CNGB1: variants seen among roughly 807,000 people sequenced by gnomAD.
CNGB1 encodes cyclic nucleotide-gated channel beta-1.
CNGB1 carries 126 observed loss-of-function variants against 151.7 expected under a neutral mutation model. The ratio of observed to expected loss-of-function variants is 0.83; its 90% CI spans 0.72 to 0.96. CNGB1 has a LOEUF of 0.96. Among genes scored for constraint, CNGB1 ranks in the 40% least tolerant of loss-of-function variants. The probability of loss-of-function intolerance (pLI) is 0.00; values close to 1 mark genes in which losing one functional copy is unlikely to be tolerated. For synonymous variants in CNGB1, 623 were observed against 635.1 expected (o/e 0.98, Z 0.29); for missense variants, 1,698 against 1,627.0 (o/e 1.04, Z -0.75).
chr16:57,960,020 C>G lies in CNGB1; in HGVS notation c.629G>C (p.Arg210Pro), dbSNP rs759153238. The change falls in exon 10 of 33, where the codon CGG becomes CCG. Residue 210 changes from arginine to proline, a missense_variant. By Grantham distance (103) the Arg-to-Pro change is moderately radical. Transcript: ENST00000251102. The part of the protein sequence containing the change: ...PQEMGPKLQA[R>P]ETPSLPTPIP... ...GGGTGTGGGCAGGGAGGGGGTCTCCCGGGCCTGCAGCTTGGGCCCCATTTC... is the reference window on the plus strand; with the variant it reads ...GGGTGTGGGCAGGGAGGGGGTCTCCGGGGCCTGCAGCTTGGGCCCCATTTC... 1 of 1,574,050 alleles carries G rather than the reference C, an allele frequency of 6.4e-7. No homozygotes were observed. Among genetic ancestry groups the G allele is most frequent in the Non-Finnish European group, 8.6e-7 (1 of 1,162,100 alleles).
intron 22 of CNGB1, 24 bp from the exon 23 acceptor site, chr16:57,915,359 G>A (rs1213369831): frequency 6.4e-7 from 1 of 1,568,078 alleles, no homozygotes; most frequent in Non-Finnish European, 8.8e-7. Context: ...GGGACACCAT[G>A]GGGGTAAAAC....
chr16:57,884,527 T>A (rs2149350332), intron 32 of CNGB1, 70 bp from the exon 33 acceptor site: 1 of 1,569,462 alleles, frequency 6.4e-7, no homozygotes, highest in East Asian at 2.3e-5. Context: ...CTTGGACACC[T>A]CCCTGTTCCA....
intron 16 of CNGB1, among the ~76,000 whole-genome samples, chr16:57,938,577 AC>A (rs1186130575): frequency 6.6e-6 from 1 of 152,136 alleles, no homozygotes; most frequent in Non-Finnish European, 1.5e-5. Flanking sequence ...AGGTCACAGA[AC>A]TGGCTCTGGG....
At position 57,967,176 on chromosome 16, in the gene CNGB1, C is replaced by T. The variant is rs1371072466; in HGVS notation, c.111G>A (p.Val37=). The T allele has an allele frequency of 6.2e-7, 1 of 1,614,188 alleles. No individual in the cohort carries two copies. The highest frequency in any genetic ancestry group is 2.2e-5 in the East Asian group (1 of 44,874). ...CCTCCTCAGGATTCGGTTCTGGTTCCACCTCCGCCTCCATCTCTGGCTCTG... is the reference window on the plus strand; with the variant it reads ...CCTCCTCAGGATTCGGTTCTGGTTCTACCTCCGCCTCCATCTCTGGCTCTG... The part of the protein sequence containing the change: ...VEPEPEMEAE[V]EPEPNPEEAE... The change falls in exon 2 of 33, where the codon GTG becomes GTA. Residue 37 remains valine (V), a synonymous_variant. Coordinates refer to ENST00000251102, the MANE Select transcript of CNGB1 (RefSeq NM_001297.5).
chr16:57,962,900 G>A, intron 5 of CNGB1, 28 bp from the exon 6 acceptor site: 1 of 1,612,326 alleles, frequency 6.2e-7, no homozygotes, highest in Non-Finnish European at 8.5e-7. Context: ...ACAGACATGG[G>A]CAGGGAGCCC....
chr16:57,917,604 G>GTT, intron 20 of CNGB1, 128 bp from the exon 21 acceptor site: 1 of 701,856 alleles, frequency 1.4e-6, no homozygotes. Context: ...AAGAGTGTGT[G>GTT]TATGTGTGTG....
intron 27 of CNGB1, 46 bp downstream of exon 27, chr16:57,903,776 A>C (rs752213923): frequency 6.2e-7 from 1 of 1,611,472 alleles, no homozygotes; most frequent in South Asian, 1.1e-5. Context: ...ACCAGGCGAC[A>C]GGAGTTGACT....
chr16:57,889,932 G>C lies in CNGB1; in HGVS notation c.3243-1858C>G, dbSNP rs940537441. On this transcript the variant is annotated intron_variant, in intron 31 of 32. Transcript: ENST00000251102. ...TGACAGTTGGGGAAATTGAGGCTCAGAGCAGGGGGAGTGACGTGCCCAAGG... is the reference window on the plus strand; with the variant it reads ...TGACAGTTGGGGAAATTGAGGCTCACAGCAGGGGGAGTGACGTGCCCAAGG... 2.0e-5 allele frequency among the ~76,000 whole-genome samples: 3 copies of C among 152,174 alleles called. No homozygotes were observed. The East Asian group carries it at 5.8e-4, about 29-fold the overall frequency.
intron 16 of CNGB1, among the ~76,000 whole-genome samples, chr16:57,935,818 A>T (rs1271981858): frequency 6.6e-6 from 1 of 151,280 alleles, no homozygotes. Context: ...GGAGTAGTAG[A>T]TTCAAGGCTT....
chr16:57,955,341 T>G, intron 12 of CNGB1: 1 of 1,551,820 alleles, frequency 6.4e-7, no homozygotes, highest in Non-Finnish European at 8.7e-7. Context: ...TTCTCCCTTA[T>G]TTCAGAGACC....
rs369817749 is a variant in CNGB1, at chr16:57,950,483, G to A, written c.932C>T (p.Pro311Leu). The change falls in exon 13 of 33, where the codon CCG becomes CTG. Residue 311 changes from proline (P) to leucine (L), a missense_variant. Transcript: ENST00000251102. ...EPDLVLEEVEPPWEDAHQDVS... is the reference protein window; with the variant it reads ...EPDLVLEEVELPWEDAHQDVS... ...ATCCTGGTGGGCATCCTCCCAGGGC[G>A]GTTCAACCTCCTCTAGGACAAGGTC... 4.3e-5 allele frequency: 70 copies of A among 1,614,086 alleles called. No individual in the cohort carries two copies. The highest frequency in any genetic ancestry group is 1.6e-4 in the South Asian group (15 of 91,086).
chr16:57,960,151 TC>T, intron 9 of CNGB1, 86 bp from the exon 10 acceptor site: 3 of 1,521,996 alleles, frequency 2.0e-6, no homozygotes, highest in Non-Finnish European at 2.6e-6. Context: ...CAGATTCGAG[TC>T]GCTAACAGGA....
intron 4 of CNGB1, 121 bp downstream of exon 4, chr16:57,964,009 C>T (rs1962325324): frequency 1.1e-6 from 1 of 895,520 alleles, no homozygotes; most frequent in East Asian, 2.6e-5. Context: ...CAGGGCTTTC[C>T]CCAGAATGAC....
chr16:57,890,591 TA>T (rs1467572702), intron 31 of CNGB1, among the ~76,000 whole-genome samples: 1 of 152,238 alleles, frequency 6.6e-6, no homozygotes, highest in African/African-American at 2.4e-5. Context: ...TGCTTCCCTG[TA>T]ACTGAGATTG....
chr16:57,904,860 G>A lies in CNGB1; in HGVS notation c.2508C>T (p.Tyr836=). 3.7e-6 allele frequency: 6 copies of A among 1,614,178 alleles called. No individual in the cohort carries two copies. Among genetic ancestry groups the A allele is most frequent in the Non-Finnish European group, 5.1e-6 (6 of 1,180,022 alleles). The change falls in exon 26 of 33, where the codon TAC becomes TAT. Residue 836 remains tyrosine (Y), a synonymous_variant. Transcript: ENST00000251102. The part of the protein sequence containing the change: ...DGVGNSYIRC[Y]YFAVKTLITI... Reference sequence around the variant, plus strand: ...TGATGAGGGTCTTCACAGCAAAGTAGTAACAGCGAATATAACTGGAGAGAG... The same window carrying A: ...TGATGAGGGTCTTCACAGCAAAGTAATAACAGCGAATATAACTGGAGAGAG...
Position 57,962,867 on chromosome 16 carries a change from C to T in CNGB1, c.387G>A (p.Leu129=), listed in dbSNP as rs1962293389. Residue 129 remains leucine, a synonymous_variant, in exon 6 of 33, where the codon CTG becomes CTA. Coordinates refer to ENST00000251102, the MANE Select transcript of CNGB1 (RefSeq NM_001297.5). ...CTGTGTCCCCAGTGCTGCCATGCCC[C>T]AGGATCTGCCAGGGACAGACAGACA... ...HSITEDPAQI[L]GHGSTGDTGC... is the part of the protein sequence containing the mutation. 6.2e-7 allele frequency: 1 copy of T among 1,612,716 alleles called. No individual in the cohort carries two copies. Among genetic ancestry groups the T allele is most frequent in the Non-Finnish European group, 8.5e-7 (1 of 1,180,024 alleles).
intron 12 of CNGB1, among the ~76,000 whole-genome samples, chr16:57,956,017 C>G (rs1397514040): frequency 6.6e-6 from 1 of 152,178 alleles, no homozygotes; most frequent in Non-Finnish European, 1.5e-5. Flanking sequence ...TGAGCCTGCC[C>G]CCATGGCCAC....
Position 57,885,696 on chromosome 16 carries a change from C to G in CNGB1, c.3463-1239G>C, listed in dbSNP as rs142333165. On this transcript the variant is annotated intron_variant, in intron 32 of 32. Coordinates refer to ENST00000251102, the MANE Select transcript of CNGB1 (RefSeq NM_001297.5). Reference sequence around the variant, plus strand: ...GCAACCTCTGCCTCCCAGGTTCAAGCGATTCTTCTGCCTCAGCCTCCCGAG... The same window carrying G: ...GCAACCTCTGCCTCCCAGGTTCAAGGGATTCTTCTGCCTCAGCCTCCCGAG... Among the ~76,000 whole-genome samples the G allele has an allele frequency of 8.8e-3, 1,332 of 152,000 alleles. 22 individuals carry two copies. The highest frequency in any genetic ancestry group is 0.031 in the African/African-American group (1,269 of 41,444).
chr16:57,908,932 C>T (rs1960632624), intron 25 of CNGB1, among the ~76,000 whole-genome samples: 1 of 152,246 alleles, frequency 6.6e-6, no homozygotes. Context: ...GCTCACTCTC[C>T]TGCTTAAGGC....
Sources: gnomAD v4.1 joint callset for allele counts (sites outside exome capture counted in the v4.1 genomes callset) on GRCh38, gnomAD v4.1.1 for gene constraint, MANE v1.5 for transcripts, NCBI Gene and HGNC (gene_info 2026-07-23, HGNC 2026-07-21) for gene names.